The following CACNB2 variants were observed in gnomAD, a reference collection of about 807,000 sequenced individuals.
The protein encoded by CACNB2 is voltage-dependent L-type calcium channel subunit beta-2.
CACNB2 carries 42 observed loss-of-function variants against 73.3 expected under a neutral mutation model. That is an observed-to-expected ratio of 0.57 (90% CI 0.45 to 0.74). The LOEUF is 0.74. Ranked by LOEUF, CACNB2 falls within the 30% of genes least tolerant of loss-of-function variation. The pLI, the probability that CACNB2 is intolerant of heterozygous loss-of-function variation, is 0.00. For synonymous variants in CACNB2, 348 were observed against 310.3 expected, an observed-to-expected ratio of 1.12 and a Z score of -1.28; for missense variants, 940 against 853.0, an observed-to-expected ratio of 1.10 and a Z score of -1.27.
At chr10:18,503,717 G>C (rs2050334170) in intron 5 of CACNB2, among the ~76,000 whole-genome samples, 1 of 152,150 alleles carries the variant, frequency 6.6e-6, no homozygotes. Context: ...GGGGTGTTTT[G>C]TTTTTAGTTA....
chr10:18,287,337 A>T (rs2038847594), intron 2 of CACNB2, among the ~76,000 whole-genome samples: 1 of 152,136 alleles, frequency 6.6e-6, no homozygotes, highest in African/African-American at 2.4e-5. Context: ...TCAAAAAAAA[A>T]ATCAAGTCAC....
At chr10:18,398,408 T>A (rs955522126) in intron 2 of CACNB2, among the ~76,000 whole-genome samples, 7 of 152,106 alleles carry the variant, frequency 4.6e-5, no homozygotes, top group Non-Finnish European at 1.0e-4. Context: ...CTCACACCTG[T>A]AAACCCAACA....
intron 1 of CACNB2, among the ~76,000 whole-genome samples, chr10:18,147,481 A>C (rs1378292831): frequency 1.3e-5 from 2 of 152,162 alleles, no homozygotes; most frequent in Non-Finnish European, 2.9e-5. Flanking sequence ...GACTCTTTCA[A>C]GAAGGACACA....
chr10:18,480,875 T>A (rs934390727), intron 3 of CACNB2, among the ~76,000 whole-genome samples: 1 of 152,154 alleles, frequency 6.6e-6, no homozygotes, highest in Non-Finnish European at 1.5e-5. Flanking sequence ...TACATAAACA[T>A]CTTTTGGTCA....
chr10:18,358,970 T>C (rs1462424959), intron 2 of CACNB2, among the ~76,000 whole-genome samples: 1 of 152,180 alleles, frequency 6.6e-6, no homozygotes, highest in Non-Finnish European at 1.5e-5. Flanking sequence ...TGCAATCTTT[T>C]TTATGTAGCA....
At chr10:18,313,323 C>G (rs1327228339) in intron 2 of CACNB2, among the ~76,000 whole-genome samples, 1 of 146,620 alleles carries the variant, frequency 6.8e-6, no homozygotes, top group Non-Finnish European at 1.5e-5. Context: ...GCCGTGGAGC[C>G]GTCGCGTGCA....
In CACNB2 at chr10:18,518,332, G is replaced by A. The variant is rs200654601; in HGVS notation, c.805-4G>A. ...ACGTCTAAAAGCCTCTCCTCTCTCT[G>A]CAGACAGAGCACACTCCTCCGTATG... On this transcript the variant is annotated splice_polypyrimidine_tract_variant and splice_region_variant and intron_variant, in intron 7 of 13. Coordinates refer to ENST00000324631, the MANE Select transcript of CACNB2 (RefSeq NM_201596.3). 1.3e-5 allele frequency: 21 copies of A among 1,607,810 alleles called. No individual in the cohort carries two copies. In the East Asian group the frequency reaches 4.5e-4, roughly 34 times the overall value.
At chr10:18,453,651 A>G (rs2047122908) in intron 3 of CACNB2, among the ~76,000 whole-genome samples, 1 of 152,178 alleles carries the variant, frequency 6.6e-6, no homozygotes, top group Admixed American at 6.5e-5. Flanking sequence ...TTATTTTGAG[A>G]CGGAGTCTCG....
intron 13 of CACNB2, 90 bp downstream of exon 13, chr10:18,538,455 G>A: frequency 6.3e-6 from 7 of 1,113,240 alleles, no homozygotes; most frequent in Non-Finnish European, 6.8e-6. Context: ...AAGCCCAGTA[G>A]CCTGCTTGGG....
intron 2 of CACNB2, chr10:18,260,562 C>G (rs781365061): frequency 1.0e-6 from 1 of 985,782 alleles, no homozygotes; most frequent in Non-Finnish European, 1.2e-6. Context: ...AAGCATCTGA[C>G]GGTTTGGAGG....
At chr10:18,503,167 G>T (rs576087382) in intron 5 of CACNB2, among the ~76,000 whole-genome samples, 1 of 152,192 alleles carries the variant, frequency 6.6e-6, no homozygotes, top group Non-Finnish European at 1.5e-5. Context: ...AAGACATGCA[G>T]ATGAACAGCG....
In CACNB2 at chr10:18,539,987, G is replaced by C. The variant is rs1589782498; in HGVS notation, c.*263G>C. ...GACTCTTCAAAAACTGTTTTGGGTA[G>C]CTGCCACTTGAACAAAATCTGTTGC... On this transcript the variant is annotated 3_prime_UTR_variant, in exon 14 of 14. Transcript: ENST00000324631. 2 of 375,820 alleles carry C rather than the reference G, an allele frequency of 5.3e-6. No individual in the cohort carries two copies. The highest frequency in any genetic ancestry group is 8.8e-5 in the Admixed American group (2 of 22,698). The allele number at this position is 375,820 out of a possible 1,614,324, so 23.3% of individuals were successfully genotyped here.
At chr10:18,360,933 C>G (rs901598765) in intron 2 of CACNB2, among the ~76,000 whole-genome samples, 1 of 152,128 alleles carries the variant, frequency 6.6e-6, no homozygotes, top group East Asian at 1.9e-4. Context: ...TCATCAAAGC[C>G]AAGAGGTTTT....
At chr10:18,228,209 A>G (rs2036076976) in intron 2 of CACNB2, among the ~76,000 whole-genome samples, 1 of 152,104 alleles carries the variant, frequency 6.6e-6, no homozygotes, top group South Asian at 2.1e-4. Flanking sequence ...GAATCACCTA[A>G]GGCCAGGAGT....
At chr10:18,416,970 T>C (rs1309802760) in intron 3 of CACNB2, among the ~76,000 whole-genome samples, 8 of 151,718 alleles carry the variant, frequency 5.3e-5, no homozygotes, top group African/African-American at 1.9e-4. Flanking sequence ...TTTTTAATGT[T>C]CTTTCACCTC....
At chr10:18,261,136 G>A (rs942515883) in intron 2 of CACNB2, 8 of 1,530,156 alleles carry the variant, frequency 5.2e-6, no homozygotes, top group African/African-American at 1.4e-5. Context: ...CTAGGAGGCA[G>A]AAGCTAAGTG....
At chr10:18,321,920 A>G (rs2040410849) in intron 2 of CACNB2, among the ~76,000 whole-genome samples, 1 of 152,156 alleles carries the variant, frequency 6.6e-6, no homozygotes, top group Non-Finnish European at 1.5e-5. Flanking sequence ...TGTGAGGCCA[A>G]GGTGGGAGGA....
intron 2 of CACNB2, among the ~76,000 whole-genome samples, chr10:18,181,562 T>TTTTTA (rs147509760): frequency 0.02 from 2,323 of 113,518 alleles, 88 homozygotes; most frequent in African/African-American, 0.043. Flanking sequence ...GAGGATAACT[T>TTTTTA]TTTTATTTTA....
At chr10:18,356,019 G>A (rs1282640867) in intron 2 of CACNB2, among the ~76,000 whole-genome samples, 1 of 152,174 alleles carries the variant, frequency 6.6e-6, no homozygotes, top group Non-Finnish European at 1.5e-5. Flanking sequence ...CTTTCTGGAA[G>A]GTTTCTGTAA....
Sources: allele counts gnomAD v4.1 joint callset (sites outside exome capture counted in the v4.1 genomes callset), GRCh38; gene constraint gnomAD v4.1.1; transcripts MANE v1.5; gene names NCBI Gene and HGNC (gene_info 2026-07-23, HGNC 2026-07-21).